Variants in CACNB2 observed in about 807,000 individuals in gnomAD.
CACNB2 encodes voltage-dependent L-type calcium channel subunit beta-2.
Under a neutral mutation model 73.3 loss-of-function variants are expected in CACNB2, and 42 were observed. The observed-to-expected ratio is 0.57, with a 90% CI of 0.45 to 0.74. CACNB2 has a LOEUF of 0.74. Among genes scored for constraint, CACNB2 ranks in the 30% least tolerant of loss-of-function variants. The pLI is 0.00. For synonymous variants in CACNB2, 348 were observed against 310.3 expected (o/e 1.12, Z -1.28); for missense variants, 940 against 853.0 (o/e 1.10, Z -1.27).
intron 10 of CACNB2, among the ~76,000 whole-genome samples, chr10:18,532,676 C>CAAAAAAAAA (rs1219587375): frequency 8.8e-4 from 81 of 92,524 alleles, no homozygotes; most frequent in African/African-American, 1.9e-3. Context: ...GACTCTGTCT[C>CAAAAAAAAA]AAAAAAAAAA....
chr10:18,449,181 A>G (rs924366113), intron 3 of CACNB2, among the ~76,000 whole-genome samples: 1 of 152,100 alleles, frequency 6.6e-6, no homozygotes, highest in Non-Finnish European at 1.5e-5. Context: ...TGAGGAGATC[A>G]AGACCGTCCT....
intron 3 of CACNB2, among the ~76,000 whole-genome samples, chr10:18,478,997 G>A (rs1050457489): frequency 3.3e-5 from 5 of 151,980 alleles, no homozygotes; most frequent in African/African-American, 1.2e-4. Context: ...GTTCAAGGTT[G>A]CGGTGAGTTC....
At chr10:18,215,334 G>A (rs969874200) in intron 2 of CACNB2, among the ~76,000 whole-genome samples, 7 of 152,124 alleles carry the variant, frequency 4.6e-5, no homozygotes, top group African/African-American at 7.2e-5. Flanking sequence ...CCATCGGAGC[G>A]GGTCTGACGG....
rs578139226 is a variant in CACNB2 at position 18,398,979 on chromosome 10, A to G, written c.214-2945A>G. On this transcript the variant is annotated intron_variant, in intron 2 of 13. Coordinates refer to ENST00000324631, the MANE Select transcript of CACNB2 (RefSeq NM_201596.3). ...AGGACTTTTTATATCTTATTTTAAA[A>G]TAATGAATGAGACCGGGAATGCGAC... 2.6e-5 allele frequency among the ~76,000 whole-genome samples: 4 copies of G among 152,330 alleles called. No homozygotes were observed. The East Asian group carries it at 7.7e-4, about 29-fold the overall frequency.
At chr10:18,458,391 T>C (rs2047391423) in intron 3 of CACNB2, among the ~76,000 whole-genome samples, 1 of 152,224 alleles carries the variant, frequency 6.6e-6, no homozygotes, top group Admixed American at 6.5e-5. Flanking sequence ...TTGCATTGAT[T>C]CTAAAAGGTT....
intron 3 of CACNB2, among the ~76,000 whole-genome samples, chr10:18,449,253 C>T (rs1178022971): frequency 2.0e-5 from 3 of 152,010 alleles, no homozygotes; most frequent in South Asian, 2.1e-4. Flanking sequence ...GGCGTGGTGG[C>T]GGGCGCCTGT....
At chr10:18,205,249 G>A (rs1481568472) in intron 2 of CACNB2, among the ~76,000 whole-genome samples, 2 of 152,174 alleles carry the variant, frequency 1.3e-5, no homozygotes, top group African/African-American at 4.8e-5. Context: ...CTATTGGGAA[G>A]GTTACATCCC....
intron 2 of CACNB2, among the ~76,000 whole-genome samples, chr10:18,220,408 TGCCACC>T (rs2035744588): frequency 6.7e-6 from 1 of 149,136 alleles, no homozygotes; most frequent in East Asian, 2.0e-4. Context: ...TACAGGCACC[TGCCACC>T]ATGCCCAGCT....
At chr10:18,496,678 G>A (rs2049837150) in intron 3 of CACNB2, among the ~76,000 whole-genome samples, 1 of 151,486 alleles carries the variant, frequency 6.6e-6, no homozygotes, top group African/African-American at 2.4e-5. Context: ...GCTGGGCGTG[G>A]TGGCGGGTGC....
chr10:18,186,154 G>T (rs897948060), intron 2 of CACNB2, among the ~76,000 whole-genome samples: 3 of 152,032 alleles, frequency 2.0e-5, no homozygotes, highest in Admixed American at 2.0e-4. Flanking sequence ...GCATGGTAGC[G>T]CACACCTGTA....
At chr10:18,535,226 T>C (rs994760334) in intron 11 of CACNB2, among the ~76,000 whole-genome samples, 4 of 152,194 alleles carry the variant, frequency 2.6e-5, no homozygotes, top group Non-Finnish European at 5.9e-5. Context: ...AGGTTCAGAT[T>C]CCACATAACA....
chr10:18,381,215 A>G (rs530826934), intron 2 of CACNB2, among the ~76,000 whole-genome samples: 4 of 150,610 alleles, frequency 2.7e-5, no homozygotes, highest in Non-Finnish European at 4.4e-5. Context: ...TGCCTACTAG[A>G]TGGTTCATTT....
At chr10:18,385,656 A>C (rs2043200523) in intron 2 of CACNB2, among the ~76,000 whole-genome samples, 2 of 151,800 alleles carry the variant, frequency 1.3e-5, no homozygotes, top group Non-Finnish European at 2.9e-5. Context: ...AAAAAAAAAA[A>C]AAAAATTTAT....
intron 10 of CACNB2, among the ~76,000 whole-genome samples, chr10:18,528,869 G>A (rs1458405105): frequency 2.6e-5 from 4 of 152,052 alleles, no homozygotes; most frequent in Non-Finnish European, 4.4e-5. Context: ...AGAGAGGGTC[G>A]CACTCTGTTA....
intron 2 of CACNB2, among the ~76,000 whole-genome samples, chr10:18,247,667 A>G (rs2036921818): frequency 6.6e-6 from 1 of 152,196 alleles, no homozygotes. Context: ...TGGGTGGCTT[A>G]TCAAAAATGC....
chr10:18,360,465 C>T (rs927222533), intron 2 of CACNB2, among the ~76,000 whole-genome samples: 1 of 152,142 alleles, frequency 6.6e-6, no homozygotes, highest in African/African-American at 2.4e-5. Flanking sequence ...TTCAAGGGAT[C>T]CTCAGGCCTC....
At chr10:18,203,811 C>A (rs910853633) in intron 2 of CACNB2, among the ~76,000 whole-genome samples, 2 of 152,078 alleles carry the variant, frequency 1.3e-5, no homozygotes, top group Non-Finnish European at 2.9e-5. Context: ...AAATAAAGAA[C>A]CGTAGTTCTT....
At position 18,400,775 on chromosome 10, in the gene CACNB2, GTCT is replaced by G; in HGVS notation, c.214-1144_214-1142del. On this transcript the variant is annotated intron_variant, in intron 2 of 13. Coordinates refer to ENST00000324631, the MANE Select transcript of CACNB2 (RefSeq NM_201596.3). ...TGATGCTCGGCTTTTGAATGCACTT[GTCT>G]TCTTTATTTTTAAAGCAATATAAAG... 5 of 1,383,652 alleles carry G rather than the reference GTCT, an allele frequency of 3.6e-6. No individual in the cohort carries two copies. The South Asian group carries it at 6.4e-5, about 18-fold the overall frequency. The allele number at this position is 1,383,652 out of a possible 1,614,324, so 85.7% of individuals were successfully genotyped here.
chr10:18,539,267 C>G lies in CACNB2; in HGVS notation c.1526C>G (p.Pro509Arg). Residue 509 changes from proline to arginine, a missense_variant, in exon 14 of 14, where the codon CCT becomes CGT. Transcript: ENST00000324631. The stretch of plus-strand genomic sequence containing the variant: ...GATCAGAGGACTGATCGCTCCGCTC[C>G]TATCCGTTCTGCTTCCCAAGCTGAA... ...QGDQRTDRSA[P>R]IRSASQAEEE... The G allele has an allele frequency of 6.2e-7, 1 of 1,614,034 alleles. No individual in the cohort carries two copies.
Sources: allele counts gnomAD v4.1 joint callset (sites outside exome capture counted in the v4.1 genomes callset), GRCh38; gene constraint gnomAD v4.1.1; transcripts MANE v1.5; gene names NCBI Gene and HGNC (gene_info 2026-07-23, HGNC 2026-07-21).